Variants in KCNQ5 observed in about 807,000 individuals in gnomAD.
KCNQ5 encodes the protein potassium voltage-gated channel subfamily KQT member 5.
A neutral mutation model predicts 98.2 loss-of-function variants in KCNQ5; 30 were observed. The observed-to-expected ratio is 0.31, with a 90% CI of 0.23 to 0.41. KCNQ5 has a LOEUF of 0.41. Among genes scored for constraint, KCNQ5 ranks in the 10% least tolerant of loss-of-function variants. The probability of loss-of-function intolerance (pLI) is 1.00; values close to 1 mark genes in which losing one functional copy is unlikely to be tolerated. For synonymous variants in KCNQ5, 458 were observed against 449.4 expected (o/e 1.02, Z -0.24); for missense variants, 835 against 1,182.5 (o/e 0.71, Z 4.31).
chr6:72,900,868 T>A (rs1331177929), intron 1 of KCNQ5, among the ~76,000 whole-genome samples: 1 of 152,144 alleles, frequency 6.6e-6, no homozygotes, highest in Non-Finnish European at 1.5e-5. Flanking sequence ...TGGTATCACA[T>A]GGTGGTTTTG....
intron 1 of KCNQ5, among the ~76,000 whole-genome samples, chr6:72,820,874 T>G (rs758755224): frequency 1.1e-4 from 16 of 152,344 alleles, no homozygotes; most frequent in Middle Eastern, 3.4e-3. Flanking sequence ...ATTTTCCAAA[T>G]AGTGTTTTGT....
intron 1 of KCNQ5, among the ~76,000 whole-genome samples, chr6:72,984,519 G>A (rs1768651186): frequency 6.6e-6 from 1 of 152,144 alleles, no homozygotes; most frequent in South Asian, 2.1e-4. Flanking sequence ...CATCGAGCCA[G>A]ACATGGGATA....
At chr6:72,652,037 T>G (rs1471397992) in intron 1 of KCNQ5, among the ~76,000 whole-genome samples, 1 of 152,066 alleles carries the variant, frequency 6.6e-6, no homozygotes, top group Non-Finnish European at 1.5e-5. Context: ...ATTTATCTCT[T>G]TTAATTACCT....
intron 1 of KCNQ5, among the ~76,000 whole-genome samples, chr6:72,829,291 A>G (rs1460680312): frequency 1.3e-5 from 2 of 152,208 alleles, no homozygotes; most frequent in Non-Finnish European, 2.9e-5. Flanking sequence ...CAGAAAATGA[A>G]TTTATTTTTA....
chr6:73,084,315 T>G (rs1334019849), intron 5 of KCNQ5, among the ~76,000 whole-genome samples: 1 of 152,236 alleles, frequency 6.6e-6, no homozygotes, highest in Non-Finnish European at 1.5e-5. Flanking sequence ...TATTTAATGT[T>G]GGATTCCCAG....
At chr6:72,805,581 A>G (rs1046217814) in intron 1 of KCNQ5, among the ~76,000 whole-genome samples, 2 of 152,104 alleles carry the variant, frequency 1.3e-5, no homozygotes, top group Non-Finnish European at 2.9e-5. Context: ...CCTCTGTGGT[A>G]CAATTTGAAG....
chr6:73,014,487 T>C (rs1764344439), intron 2 of KCNQ5, among the ~76,000 whole-genome samples: 1 of 152,108 alleles, frequency 6.6e-6, no homozygotes, highest in Admixed American at 6.6e-5. Flanking sequence ...AAATGGATCG[T>C]GCTCAGCATC....
chr6:73,077,958 T>C, intron 5 of KCNQ5, 71 bp downstream of exon 5: 1 of 1,225,762 alleles, frequency 8.2e-7, no homozygotes, highest in Non-Finnish European at 1.1e-6. Context: ...ACGTAATGGT[T>C]CCTATGGATG....
At chr6:72,660,165 A>G (rs1326005326) in intron 1 of KCNQ5, among the ~76,000 whole-genome samples, 2 of 152,172 alleles carry the variant, frequency 1.3e-5, no homozygotes, top group Admixed American at 1.3e-4. Context: ...TTGATCACTT[A>G]CTGTGTAGCG....
intron 5 of KCNQ5, among the ~76,000 whole-genome samples, chr6:73,102,638 A>G (rs1463706235): frequency 2.6e-5 from 4 of 152,230 alleles, no homozygotes; most frequent in African/African-American, 9.6e-5. Flanking sequence ...GCATATGAAA[A>G]GGTGCTCAAT....
intron 1 of KCNQ5, among the ~76,000 whole-genome samples, chr6:72,642,055 G>A (rs2098927483): frequency 6.6e-6 from 1 of 151,112 alleles, no homozygotes; most frequent in Non-Finnish European, 1.5e-5. Flanking sequence ...ACAGCTTGGG[G>A]AAGGGAAGGG....
intron 2 of KCNQ5, among the ~76,000 whole-genome samples, chr6:73,037,768 C>T (rs1256776503): frequency 1.3e-5 from 2 of 152,150 alleles, no homozygotes; most frequent in African/African-American, 4.8e-5. Flanking sequence ...GTCTTGATTA[C>T]TGGAGCTATA....
chr6:72,981,149 G>A (rs1047524230), intron 1 of KCNQ5, among the ~76,000 whole-genome samples: 111 of 152,230 alleles, frequency 7.3e-4, no homozygotes, highest in African/African-American at 2.6e-3. Flanking sequence ...CCAGGCTTTG[G>A]TATCAGAATG....
At chr6:72,926,468 T>C (rs1226283933) in intron 1 of KCNQ5, among the ~76,000 whole-genome samples, 1 of 152,158 alleles carries the variant, frequency 6.6e-6, no homozygotes, top group Non-Finnish European at 1.5e-5. Flanking sequence ...TTATTTCTGA[T>C]CATACAGTTG....
intron 1 of KCNQ5, among the ~76,000 whole-genome samples, chr6:72,643,924 A>G (rs569452755): frequency 5.9e-5 from 9 of 152,314 alleles, no homozygotes; most frequent in African/African-American, 2.2e-4. Flanking sequence ...ATCTAGTTAA[A>G]TCAATGATGG....
At chr6:73,171,551 G>A (rs979307345) in intron 11 of KCNQ5, among the ~76,000 whole-genome samples, 1 of 152,160 alleles carries the variant, frequency 6.6e-6, no homozygotes, top group Admixed American at 6.5e-5. Flanking sequence ...GGCTACTGAG[G>A]CTATTTAAAT....
chr6:72,814,481 C>A (rs2150107877), intron 1 of KCNQ5, among the ~76,000 whole-genome samples: 1 of 152,330 alleles, frequency 6.6e-6, no homozygotes, highest in South Asian at 2.1e-4. Context: ...CTCTAGCTCA[C>A]TCCTGTAAAG....
chr6:72,867,961 C>CTAA (rs1491459442), intron 1 of KCNQ5, among the ~76,000 whole-genome samples: 32 of 151,100 alleles, frequency 2.1e-4, no homozygotes, highest in African/African-American at 6.4e-4. Context: ...ACTACTACTA[C>CTAA]TACTACTACT....
chr6:73,043,412 T>C (rs1038562432), intron 3 of KCNQ5, among the ~76,000 whole-genome samples: 3 of 152,190 alleles, frequency 2.0e-5, no homozygotes, highest in African/African-American at 7.2e-5. Context: ...TTGGAAGCCA[T>C]CATGCTAAGG....
Sources: gnomAD v4.1 joint callset for allele counts (sites outside exome capture counted in the v4.1 genomes callset) on GRCh38, gnomAD v4.1.1 for gene constraint, MANE v1.5 for transcripts, NCBI Gene and HGNC (gene_info 2026-07-23, HGNC 2026-07-21) for gene names.